Variants in TTLL9 observed in about 807,000 individuals in gnomAD.
TTLL9 encodes the protein tubulin tyrosine ligase like 9.
A neutral mutation model predicts 65.6 loss-of-function variants in TTLL9; 47 were observed. That is an observed-to-expected ratio of 0.72 (90% CI 0.57 to 0.91). TTLL9 has a LOEUF of 0.91. Among genes scored for constraint, TTLL9 ranks in the 40% least tolerant of loss-of-function variants. The pLI is 0.00. For missense variants in TTLL9, 537 were observed against 568.8 expected (o/e 0.94, Z 0.57); for synonymous variants, 179 against 204.8 (o/e 0.87, Z 1.07).
intron 3 of TTLL9, among the ~76,000 whole-genome samples, chr20:31,889,829 C>T (rs2063259017): frequency 6.6e-6 from 1 of 151,874 alleles, no homozygotes; most frequent in Non-Finnish European, 1.5e-5. Context: ...CTCGGCCTCC[C>T]AAAGTGTTGG....
At chr20:31,942,376 C>A (rs1053212443) in intron 14 of TTLL9, among the ~76,000 whole-genome samples, 1 of 152,134 alleles carries the variant, frequency 6.6e-6, no homozygotes, top group Non-Finnish European at 1.5e-5. Context: ...GATTGGGGGC[C>A]ACATGTACGG....
chr20:31,917,712 T>C (rs1419215735), intron 6 of TTLL9, among the ~76,000 whole-genome samples: 1 of 152,250 alleles, frequency 6.6e-6, no homozygotes, highest in African/African-American at 2.4e-5. Context: ...TCTCAGGTAG[T>C]ATATAGTAGT....
At chr20:31,917,025 A>G (rs1472195619) in intron 6 of TTLL9, among the ~76,000 whole-genome samples, 2 of 152,208 alleles carry the variant, frequency 1.3e-5, no homozygotes, top group Non-Finnish European at 2.9e-5. Context: ...AAGGCAGCCA[A>G]CAGGGTTGGG....
At chr20:31,910,237 G>A (rs1037767898) in intron 6 of TTLL9, among the ~76,000 whole-genome samples, 3 of 152,340 alleles carry the variant, frequency 2.0e-5, no homozygotes, top group African/African-American at 7.2e-5. Flanking sequence ...ACCCTCGGGG[G>A]AGGGATCAAC....
At position 31,911,032 on chromosome 20, in the gene TTLL9, G is replaced by A. The variant is rs534189508; in HGVS notation, c.504+1110G>A. ...TTTACTAAAAATACAAAAATTAGCC[G>A]GGCATGATGGTGGGTGCCTGTAATC... On this transcript the variant is annotated intron_variant, in intron 6 of 14. Transcript: ENST00000535842. Among the ~76,000 whole-genome samples the A allele has an allele frequency of 4.6e-5, 7 of 152,170 alleles. No individual in the cohort carries two copies. In the South Asian group the frequency reaches 6.2e-4, roughly 14 times the overall value.
chr20:31,871,951 A>T (rs2062940461), intron 2 of TTLL9, among the ~76,000 whole-genome samples: 1 of 151,760 alleles, frequency 6.6e-6, no homozygotes, highest in African/African-American at 2.4e-5. Flanking sequence ...TTTTAAAACT[A>T]TAAATGAGAT....
At position 31,939,178 on chromosome 20, in the gene TTLL9, C is replaced by T; in HGVS notation, c.1155C>T (p.Asp385=). The change falls in exon 14 of 15, where the codon GAC becomes GAT. Residue 385 remains aspartate (D), a synonymous_variant. Coordinates refer to ENST00000535842, the MANE Select transcript of TTLL9 (RefSeq NM_001008409.5). Reference sequence around the variant, plus strand: ...GGGAGAAGCGAGTCGGGGGCTTTGACCTCATGTGGAATGATGGCCCTGTTA... The same window carrying T: ...GGGAGAAGCGAGTCGGGGGCTTTGATCTCATGTGGAATGATGGCCCTGTTA... The part of the protein sequence containing the change: ...TGREKRVGGF[D]LMWNDGPVSR... The T allele has an allele frequency of 6.2e-7, 1 of 1,609,052 alleles. No individual in the cohort carries two copies. Among genetic ancestry groups the T allele is most frequent in the Non-Finnish European group, 8.5e-7 (1 of 1,177,804 alleles).
intron 5 of TTLL9, among the ~76,000 whole-genome samples, chr20:31,909,139 T>A (rs983328105): frequency 7.1e-6 from 1 of 141,466 alleles, no homozygotes; most frequent in Non-Finnish European, 1.5e-5. Flanking sequence ...TTTTTTTTTT[T>A]TTTTTTTTTT....
chr20:31,908,378 AC>A (rs1252523840), intron 4 of TTLL9, among the ~76,000 whole-genome samples: 1 of 152,126 alleles, frequency 6.6e-6, no homozygotes, highest in African/African-American at 2.4e-5. Flanking sequence ...GAAGCCAACC[AC>A]CTGGATTTTT....
chr20:31,924,013 T>C (rs1568818342), intron 8 of TTLL9, among the ~76,000 whole-genome samples: 1 of 151,412 alleles, frequency 6.6e-6, no homozygotes, highest in African/African-American at 2.4e-5. Context: ...TGCCCTCCCA[T>C]CCCCCCACCA....
chr20:31,891,036 G>A (rs1037169090), intron 3 of TTLL9, among the ~76,000 whole-genome samples: 11 of 152,214 alleles, frequency 7.2e-5, no homozygotes, highest in African/African-American at 1.2e-4. Flanking sequence ...CCTTGCTCAC[G>A]TGTTTCCTGG....
In TTLL9 at chr20:31,925,179, C is replaced by T. The variant is rs142211859; in HGVS notation, c.705+130C>T. On this transcript the variant is annotated intron_variant, in intron 9 of 14. Coordinates refer to ENST00000535842, the MANE Select transcript of TTLL9 (RefSeq NM_001008409.5). The stretch of plus-strand genomic sequence containing the variant: ...GTTTTATCTCTCCCTGGGAGATCCC[C>T]GAGGGACATCTAGGGATAGGGTGGG... The T allele has an allele frequency of 2.5e-4, 233 of 931,172 alleles. 1 individual carries two copies. The East Asian group carries it at 5.8e-3, about 23-fold the overall frequency. 57.7% of individuals were successfully genotyped at this position (931,172 alleles called of 1,614,324 possible).
chr20:31,876,126 T>C (rs774031634), intron 2 of TTLL9, among the ~76,000 whole-genome samples: 8 of 152,246 alleles, frequency 5.3e-5, no homozygotes, highest in Non-Finnish European at 7.3e-5. Flanking sequence ...ATCTGGATCA[T>C]TCTTATCACT....
intron 7 of TTLL9, among the ~76,000 whole-genome samples, chr20:31,920,231 A>G (rs573844198): frequency 5.9e-4 from 75 of 127,908 alleles, no homozygotes; most frequent in East Asian, 3.5e-3. Context: ...AAACACGCGC[A>G]CACACACACA....
intron 2 of TTLL9, among the ~76,000 whole-genome samples, chr20:31,880,263 C>T (rs2063098781): frequency 6.6e-6 from 1 of 152,068 alleles, no homozygotes; most frequent in African/African-American, 2.4e-5. Flanking sequence ...GCCTGCCCGT[C>T]CATCCGTCCA....
Position 31,942,892 on chromosome 20 carries a change from T to G in TTLL9, c.1244-53T>G, listed in dbSNP as rs2064237961. On this transcript the variant is annotated intron_variant, in intron 14 of 14. Coordinates refer to ENST00000535842, the MANE Select transcript of TTLL9 (RefSeq NM_001008409.5). ...AGCAGGGAGTTGGGGCACAGGCCCC[T>G]CCACTCCTCCCAAGCATAGGTCATC... is the stretch of plus-strand genomic sequence containing the variant. 3 of 1,588,992 alleles carry G rather than the reference T, an allele frequency of 1.9e-6. No homozygotes were observed. The African/African-American group carries it at 4.0e-5, about 21-fold the overall frequency.
chr20:31,893,623 C>A (rs905742503), intron 3 of TTLL9, among the ~76,000 whole-genome samples: 3 of 151,646 alleles, frequency 2.0e-5, no homozygotes, highest in African/African-American at 7.3e-5. Flanking sequence ...CACTCCCACT[C>A]TCCACCACCC....
At chr20:31,910,282 C>T (rs768808673) in intron 6 of TTLL9, among the ~76,000 whole-genome samples, 77 of 152,320 alleles carry the variant, frequency 5.1e-4, no homozygotes, top group Admixed American at 2.6e-3. Flanking sequence ...TTGAGGCTTG[C>T]TTATTCAAGC....
At chr20:31,916,020 G>A (rs2063728886) in intron 6 of TTLL9, among the ~76,000 whole-genome samples, 1 of 152,190 alleles carries the variant, frequency 6.6e-6, no homozygotes, top group South Asian at 2.1e-4. Flanking sequence ...ACTGAGGGCT[G>A]GAGGATCCCC....
Sources: allele counts gnomAD v4.1 joint callset (sites outside exome capture counted in the v4.1 genomes callset), GRCh38; gene constraint gnomAD v4.1.1; transcripts MANE v1.5; gene names NCBI Gene and HGNC (gene_info 2026-07-23, HGNC 2026-07-21).